MVB12B: variants seen among roughly 807,000 people sequenced by gnomAD.
MVB12B encodes ESCRT-I complex subunit MVB12B.
In MVB12B, 16 loss-of-function variants were observed where a neutral mutation model predicts 41.6. The ratio of observed to expected loss-of-function variants is 0.38; its 90% CI spans 0.26 to 0.58. The LOEUF is 0.58. MVB12B is among the 20% of genes least tolerant of loss of function. The pLI, the probability that MVB12B is intolerant of heterozygous loss-of-function variation, is 0.62. For synonymous variants in MVB12B, 133 were observed against 139.7 expected (o/e 0.95, Z 0.34); for missense variants, 274 against 380.2 (o/e 0.72, Z 2.32).
At position 126,503,318 on chromosome 9, in the gene MVB12B, G is replaced by A. The variant is rs1834002167; in HGVS notation, c.*55G>A. 22 of 1,432,620 alleles carry A rather than the reference G, an allele frequency of 1.5e-5. No individual in the cohort carries two copies. The South Asian group carries it at 2.7e-4, about 18-fold the overall frequency. The allele number at this position is 1,432,620 out of a possible 1,614,324, so 88.7% of individuals were successfully genotyped here. A position where few individuals can be genotyped will look rare whatever the true frequency, so the allele number is the denominator to read the frequency against. ...CCGCCGCCCAGACTACTGACGGCAG[G>A]GGCTGCTGCCCCCGCCTCCTCCTGC... On this transcript the variant is annotated 3_prime_UTR_variant, in exon 10 of 10. Transcript: ENST00000361171.
intron 9 of MVB12B, among the ~76,000 whole-genome samples, chr9:126,494,824 C>T (rs1309892950): frequency 6.6e-6 from 1 of 151,634 alleles, no homozygotes; most frequent in Non-Finnish European, 1.5e-5. Flanking sequence ...AGGTGGTATT[C>T]AGGTGAATTC....
At chr9:126,471,089 A>C (rs147259620) in intron 7 of MVB12B, among the ~76,000 whole-genome samples, 5 of 152,248 alleles carry the variant, frequency 3.3e-5, no homozygotes, top group Non-Finnish European at 5.9e-5. Context: ...ACTTGTCCCA[A>C]ATTACAGAAC....
At chr9:126,363,622 A>T (rs955441678) in intron 2 of MVB12B, among the ~76,000 whole-genome samples, 1 of 152,224 alleles carries the variant, frequency 6.6e-6, no homozygotes, top group Non-Finnish European at 1.5e-5. Flanking sequence ...TTTTAGACTT[A>T]CAGGCAAATT....
rs999186515 is a variant in MVB12B at position 126,425,803 on chromosome 9, T to C, written c.757+3855T>C. Among the ~76,000 whole-genome samples, 4 of 152,172 alleles carry C rather than the reference T, an allele frequency of 2.6e-5. No individual in the cohort carries two copies. In the East Asian group the frequency reaches 5.8e-4, roughly 22 times the overall value. ...GCTCTTCATGTCCCCCATCAGTGTG[T>C]CACTCTGTAGGGTTTTGAAGATGGT... is the stretch of plus-strand genomic sequence containing the variant. On this transcript the variant is annotated intron_variant, in intron 7 of 9. Transcript: ENST00000361171.
intron 7 of MVB12B, among the ~76,000 whole-genome samples, chr9:126,464,108 G>A (rs1833144739): frequency 6.6e-6 from 1 of 152,146 alleles, no homozygotes; most frequent in Admixed American, 6.6e-5. Flanking sequence ...CCACCTACAG[G>A]CCCTGGGCCA....
chr9:126,342,239 TC>T (rs1235653716), intron 2 of MVB12B, among the ~76,000 whole-genome samples: 1 of 151,762 alleles, frequency 6.6e-6, no homozygotes, highest in Non-Finnish European at 1.5e-5. Flanking sequence ...GGCTCAGGGG[TC>T]GCTCTCCTAG....
intron 1 of MVB12B, among the ~76,000 whole-genome samples, chr9:126,335,942 T>C (rs1402251969): frequency 1.3e-5 from 2 of 152,240 alleles, no homozygotes; most frequent in Non-Finnish European, 2.9e-5. Flanking sequence ...TCCTCAAAAG[T>C]TGTATGCCAG....
At chr9:126,371,159 G>A (rs916943591) in intron 2 of MVB12B, among the ~76,000 whole-genome samples, 3 of 152,142 alleles carry the variant, frequency 2.0e-5, no homozygotes, top group East Asian at 1.9e-4. Context: ...GAGAGGAGCC[G>A]GCCTTCCCCT....
rs28572672 is a variant in MVB12B at position 126,496,223 on chromosome 9, A to G, written c.874-6954A>G. ...CACCTACCCACCCGTCCATCCACCC[A>G]CCCATCCATACACCCACTTACCCAA... On this transcript the variant is annotated intron_variant, in intron 9 of 9. Coordinates refer to ENST00000361171, the MANE Select transcript of MVB12B (RefSeq NM_033446.3). 4.1e-3 allele frequency among the ~76,000 whole-genome samples: 80 copies of G among 19,326 alleles called. 2 individuals are homozygous for G. Among genetic ancestry groups the G allele is most frequent in the Middle Eastern group, 0.036 (1 of 28 alleles). The allele number at this position is 19,326 out of a possible 152,430, so 12.7% of individuals were successfully genotyped here.
intron 7 of MVB12B, among the ~76,000 whole-genome samples, chr9:126,456,872 A>AAAG (rs1832994656): frequency 6.9e-6 from 1 of 144,138 alleles, no homozygotes; most frequent in Non-Finnish European, 1.5e-5. Flanking sequence ...TTATAAAAGA[A>AAAG]AAAGTAAGCG....
At chr9:126,497,680 C>T (rs2119235112) in intron 9 of MVB12B, among the ~76,000 whole-genome samples, 1 of 152,338 alleles carries the variant, frequency 6.6e-6, no homozygotes, top group African/African-American at 2.4e-5. Context: ...CCCCAAGGCC[C>T]ACCTGCTCGT....
intron 7 of MVB12B, among the ~76,000 whole-genome samples, chr9:126,447,605 G>A (rs1415621416): frequency 6.6e-6 from 1 of 152,018 alleles, no homozygotes; most frequent in Non-Finnish European, 1.5e-5. Context: ...AGATATATCA[G>A]TTTTACTAAA....
chr9:126,425,793 C>T (rs1012251200), intron 7 of MVB12B, among the ~76,000 whole-genome samples: 1 of 152,164 alleles, frequency 6.6e-6, no homozygotes, highest in Non-Finnish European at 1.5e-5. Context: ...TCATGTCCCC[C>T]ATCAGTGTGT....
At position 126,486,497 on chromosome 9, in the gene MVB12B, C is replaced by T. The variant is rs1031863973; in HGVS notation, c.873+2465C>T. ...ATACCTGCTGTTTACCATGGGGTCA[C>T]GGCAGAACCTGTCTCACGGGGTGCT... On this transcript the variant is annotated intron_variant, in intron 9 of 9. Coordinates refer to ENST00000361171, the MANE Select transcript of MVB12B (RefSeq NM_033446.3). This position sits in a 1 kb window ranked among gnomAD's most constrained non-coding sequence, Gnocchi z 4.7. Among the ~76,000 whole-genome samples, 13 of 152,328 alleles carry T rather than the reference C, an allele frequency of 8.5e-5. No homozygotes were observed. The highest frequency in any genetic ancestry group is 1.9e-4 in the East Asian group (1 of 5,184).
intron 6 of MVB12B, among the ~76,000 whole-genome samples, chr9:126,415,254 G>A (rs554615877): frequency 6.6e-6 from 1 of 152,212 alleles, no homozygotes; most frequent in South Asian, 2.1e-4. Context: ...CCTTTGTATG[G>A]GAAAGAAGCC....
At chr9:126,385,649 G>C (rs1830765231) in intron 3 of MVB12B, among the ~76,000 whole-genome samples, 1 of 152,228 alleles carries the variant, frequency 6.6e-6, no homozygotes, top group Admixed American at 6.5e-5. Context: ...TGGGCACGTG[G>C]AGTGCACTGC....
chr9:126,390,433 A>G (rs1205107814), intron 4 of MVB12B, among the ~76,000 whole-genome samples: 1 of 152,242 alleles, frequency 6.6e-6, no homozygotes, highest in Non-Finnish European at 1.5e-5. Context: ...TGACTCGTGT[A>G]TTAAATGGCC....
intron 1 of MVB12B, among the ~76,000 whole-genome samples, chr9:126,338,452 G>A (rs1829348268): frequency 6.6e-6 from 1 of 152,202 alleles, no homozygotes; most frequent in African/African-American, 2.4e-5. Flanking sequence ...ACCAGGGGAT[G>A]TGGCAATGAA....
intron 6 of MVB12B, among the ~76,000 whole-genome samples, chr9:126,403,838 A>G (rs940992652): frequency 6.6e-6 from 1 of 152,112 alleles, no homozygotes; most frequent in African/African-American, 2.4e-5. Context: ...AGGACTGGAC[A>G]TCATATTTTA....
Sources: allele counts gnomAD v4.1 joint callset (sites outside exome capture counted in the v4.1 genomes callset), GRCh38; gene constraint gnomAD v4.1.1; non-coding constraint Gnocchi (gnomAD v3.1); transcripts MANE v1.5; gene names NCBI Gene and HGNC (gene_info 2026-07-23, HGNC 2026-07-21).